The following LGR4 variants were observed in gnomAD, a reference collection of about 807,000 sequenced individuals.
LGR4 encodes leucine-rich repeat-containing G protein-coupled receptor 4.
LGR4 carries 44 observed loss-of-function variants against 84.8 expected under a neutral mutation model. The observed-to-expected ratio is 0.52, with a 90% CI of 0.41 to 0.67. The LOEUF (loss-of-function observed/expected upper bound fraction) is 0.67, where lower values mean the gene tolerates loss of function less well. Ranked by LOEUF, LGR4 falls within the 30% of genes least tolerant of loss-of-function variation. LGR4 has a pLI of 0.00. For synonymous variants in LGR4, 429 were observed against 434.3 expected, an observed-to-expected ratio of 0.99 and a Z score of 0.15; for missense variants, 1,032 against 1,131.4, an observed-to-expected ratio of 0.91 and a Z score of 1.26.
intron 16 of LGR4, 27 bp from the exon 17 acceptor site, chr11:27,371,725 A>G: frequency 6.5e-7 from 1 of 1,533,038 alleles, no homozygotes; most frequent in South Asian, 1.1e-5. Flanking sequence ...AAGCATGTTT[A>G]ATTAAAACCT....
chr11:27,403,993 A>G (rs1052980327), intron 2 of LGR4, among the ~76,000 whole-genome samples: 1 of 152,210 alleles, frequency 6.6e-6, no homozygotes, highest in African/African-American at 2.4e-5. Context: ...ACTAAAGCAC[A>G]TATTTATTGT....
At chr11:27,452,631 T>G (rs1864501246) in intron 1 of LGR4, among the ~76,000 whole-genome samples, 1 of 127,066 alleles carries the variant, frequency 7.9e-6, no homozygotes, top group South Asian at 2.8e-4. Context: ...GAGTTTTTTT[T>G]TTTTTTTTTT....
chr11:27,406,184 C>T (rs1020576841), intron 2 of LGR4, among the ~76,000 whole-genome samples: 1 of 152,146 alleles, frequency 6.6e-6, no homozygotes, highest in African/African-American at 2.4e-5. Flanking sequence ...GAAATGCCAT[C>T]GTTCCTTCTT....
In LGR4 at chr11:27,385,556, A is replaced by C. The variant is rs1183736147; in HGVS notation, c.402-88T>G. On this transcript the variant is annotated intron_variant, in intron 4 of 17. Coordinates refer to ENST00000379214, the MANE Select transcript of LGR4 (RefSeq NM_018490.5). The stretch of plus-strand genomic sequence containing the variant: ...CTCACAACTCAAAGCTTTCAAAACA[A>C]AAAGGACTTATAAAAATTATCATCT... 3 of 762,606 alleles carry C rather than the reference A, an allele frequency of 3.9e-6. No individual in the cohort carries two copies. The African/African-American group carries it at 5.3e-5, about 13-fold the overall frequency. 47.2% of individuals were successfully genotyped at this position (762,606 alleles called of 1,614,324 possible).
intron 1 of LGR4, among the ~76,000 whole-genome samples, chr11:27,431,660 C>G (rs2133421730): frequency 6.6e-6 from 1 of 152,286 alleles, no homozygotes; most frequent in East Asian, 1.9e-4. Flanking sequence ...GGGTCACTAT[C>G]TTTTTCTTCC....
intron 1 of LGR4, among the ~76,000 whole-genome samples, chr11:27,451,350 ACAG>A (rs970083190): frequency 2.6e-5 from 4 of 152,200 alleles, no homozygotes; most frequent in Non-Finnish European, 5.9e-5. Context: ...TGGTCCAAAG[ACAG>A]CGCCAGGCAC....
At chr11:27,389,542 T>C (rs995593406) in intron 4 of LGR4, among the ~76,000 whole-genome samples, 11 of 152,146 alleles carry the variant, frequency 7.2e-5, no homozygotes, top group African/African-American at 2.7e-4. Flanking sequence ...TATTTGTATT[T>C]TTTTGGTAAT....
At chr11:27,390,074 T>C (rs1863255160) in intron 4 of LGR4, among the ~76,000 whole-genome samples, 1 of 152,170 alleles carries the variant, frequency 6.6e-6, no homozygotes, top group Admixed American at 6.6e-5. Flanking sequence ...ATTTTCACAT[T>C]CATTGCTCAT....
At chr11:27,395,038 G>A (rs1402263381) in intron 2 of LGR4, among the ~76,000 whole-genome samples, 1 of 151,944 alleles carries the variant, frequency 6.6e-6, no homozygotes, top group African/African-American at 2.4e-5. Flanking sequence ...AATCTCAAAG[G>A]GACCCCGGTC....
chr11:27,412,480 A>T (rs1374652873), intron 2 of LGR4, among the ~76,000 whole-genome samples: 1 of 152,162 alleles, frequency 6.6e-6, no homozygotes, highest in Admixed American at 6.6e-5. Flanking sequence ...CAGCCTTGTT[A>T]TCTCAGAATA....
intron 1 of LGR4, among the ~76,000 whole-genome samples, chr11:27,427,629 G>T (rs1374326949): frequency 6.6e-6 from 1 of 152,146 alleles, no homozygotes; most frequent in Non-Finnish European, 1.5e-5. Flanking sequence ...TGGTGGGTAG[G>T]CACAATTTTT....
intron 13 of LGR4, 112 bp from the exon 14 acceptor site, chr11:27,374,158 C>A: frequency 1.4e-6 from 1 of 722,420 alleles, no homozygotes; most frequent in Admixed American, 2.0e-5. Flanking sequence ...GATAAGATAA[C>A]AAAGATCTTC....
At chr11:27,469,725 T>A (rs1488961807) in intron 1 of LGR4, among the ~76,000 whole-genome samples, 1 of 152,242 alleles carries the variant, frequency 6.6e-6, no homozygotes, top group South Asian at 2.1e-4. Context: ...TTGGTTCACA[T>A]GCTCCAGCAA....
At position 27,369,160 on chromosome 11, in the gene LGR4, C is replaced by G. The variant is rs368429795; in HGVS notation, c.1580-17G>C. On this transcript the variant is annotated splice_polypyrimidine_tract_variant and intron_variant, in intron 17 of 17. Transcript: ENST00000379214. ...TAAAAGCACCTAAAAAAAACACACACAGAGAGAGAGAAATAAAAGATAACT... is the reference window on the plus strand; with the variant it reads ...TAAAAGCACCTAAAAAAAACACACAGAGAGAGAGAGAAATAAAAGATAACT... The G allele has an allele frequency of 5.9e-4, 911 of 1,537,904 alleles. 4 individuals are homozygous for G. In the South Asian group the frequency reaches 6.7e-3, roughly 11 times the overall value.
At chr11:27,432,357 T>C (rs751507696) in intron 1 of LGR4, among the ~76,000 whole-genome samples, 25 of 152,186 alleles carry the variant, frequency 1.6e-4, no homozygotes, top group Non-Finnish European at 3.1e-4. Flanking sequence ...GGAAGATGTC[T>C]GCAATTGAAT....
chr11:27,399,080 C>T (rs976396319), intron 2 of LGR4, among the ~76,000 whole-genome samples: 2 of 151,934 alleles, frequency 1.3e-5, no homozygotes, highest in African/African-American at 4.8e-5. Flanking sequence ...TCGGCTAATT[C>T]TGTATTTTCA....
chr11:27,410,532 T>G (rs1863689753), intron 2 of LGR4, among the ~76,000 whole-genome samples: 1 of 152,150 alleles, frequency 6.6e-6, no homozygotes, highest in African/African-American at 2.4e-5. Context: ...TTATGCTGTT[T>G]ATGAAATATT....
chr11:27,446,078 AG>A (rs1319310075), intron 1 of LGR4, among the ~76,000 whole-genome samples: 8 of 152,214 alleles, frequency 5.3e-5, no homozygotes, highest in Non-Finnish European at 7.3e-5. Context: ...AGAACTAAAA[AG>A]ATGCTGAGTG....
At chr11:27,406,013 G>A (rs1181810212) in intron 2 of LGR4, among the ~76,000 whole-genome samples, 1 of 152,090 alleles carries the variant, frequency 6.6e-6, no homozygotes, top group Admixed American at 6.6e-5. Flanking sequence ...TAAGCTCTGC[G>A]TATCTTTTCC....
Sources: gnomAD v4.1 joint callset for allele counts (sites outside exome capture counted in the v4.1 genomes callset) on GRCh38, gnomAD v4.1.1 for gene constraint, MANE v1.5 for transcripts, NCBI Gene and HGNC (gene_info 2026-07-23, HGNC 2026-07-21) for gene names.